Variants in NAT1 observed in about 807,000 individuals in gnomAD.
NAT1 encodes the protein N-acetyltransferase 1.
For missense variants in NAT1, 400 were observed against 339.2 expected (o/e 1.18, Z -1.41); for synonymous variants, 144 against 122.6 (o/e 1.17, Z -1.16).
chr8:18,180,102 G>GGAA lies in NAT1; in HGVS notation n.92+9365_92+9367dup, dbSNP rs200550318. 9.8e-3 allele frequency among the ~76,000 whole-genome samples: 1,484 copies of GGAA among 152,176 alleles called. 17 individuals carry two copies. Among genetic ancestry groups the GGAA allele is most frequent in the African/African-American group, 0.034 (1,399 of 41,516 alleles). Reference sequence around the variant, plus strand: ...AAAGACAAGGTGTGTAGATAAGCAAGGAAGGAGAATTGGGGGAGCTAGAGG... The same window carrying GGAA: ...AAAGACAAGGTGTGTAGATAAGCAAGGAAGAAGGAGAATTGGGGGAGCTAGAGG... On this transcript the variant is annotated intron_variant and non_coding_transcript_variant, in intron 2 of 4. Transcript: ENST00000517441.
chr8:18,189,482 C>T (rs756273223), intron 2 of NAT1, among the ~76,000 whole-genome samples: 7 of 152,062 alleles, frequency 4.6e-5, no homozygotes, highest in African/African-American at 1.7e-4. Flanking sequence ...ATAATAAAAA[C>T]GGTCACACAA....
At chr8:18,200,358 A>G (rs1235609317) in intron 2 of NAT1, among the ~76,000 whole-genome samples, 2 of 152,256 alleles carry the variant, frequency 1.3e-5, no homozygotes, top group East Asian at 3.8e-4. Flanking sequence ...GCAGCCATAA[A>G]AAAGAACAAG....
At position 18,211,004 on chromosome 8, in the gene NAT1, C is replaced by T. The variant is rs28359493; in HGVS notation, c.-86+824C>T. On this transcript the variant is annotated intron_variant, in intron 1 of 2. Transcript: ENST00000307719. ...ATTTTTAGTAGCGATGGGGTTTCAC[C>T]GTCTTGGCTAGGCTCATCTCGAACT... 3.7e-3 allele frequency among the ~76,000 whole-genome samples: 563 copies of T among 152,178 alleles called. 4 individuals carry two copies. The highest frequency in any genetic ancestry group is 0.011 in the African/African-American group (470 of 41,528).
intron 1 of NAT1, among the ~76,000 whole-genome samples, chr8:18,217,588 AT>A (rs1804812490): frequency 1.3e-5 from 2 of 152,208 alleles, no homozygotes; most frequent in Non-Finnish European, 2.9e-5. Flanking sequence ...GCCCACATAT[AT>A]TGCCATTCTT....
At chr8:18,205,566 G>A (rs946081036), upstream of NAT1, among the ~76,000 whole-genome samples, 2 of 152,144 alleles carry the variant, frequency 1.3e-5, no homozygotes, top group East Asian at 3.9e-4. Context: ...TGCGGAGGGA[G>A]GAGTGGCAGA....
chr8:18,173,899 C>A (rs1802191538), intron 2 of NAT1, among the ~76,000 whole-genome samples: 1 of 151,752 alleles, frequency 6.6e-6, no homozygotes, highest in African/African-American at 2.4e-5. Context: ...GTTATAGTTT[C>A]ATTGCAATTA....
intron 2 of NAT1, among the ~76,000 whole-genome samples, chr8:18,203,664 C>T (rs1803574717): frequency 6.6e-6 from 1 of 152,192 alleles, no homozygotes; most frequent in Admixed American, 6.5e-5. Context: ...CTCTGTCCTC[C>T]ATTGTGAGCT....
At chr8:18,203,195 C>T (rs987245270) in intron 2 of NAT1, among the ~76,000 whole-genome samples, 2 of 152,056 alleles carry the variant, frequency 1.3e-5, no homozygotes, top group Admixed American at 6.6e-5. Flanking sequence ...CATTTCACTA[C>T]CCAAATATAT....
chr8:18,205,500 C>T (rs951050687), upstream of NAT1, among the ~76,000 whole-genome samples: 7 of 152,024 alleles, frequency 4.6e-5, no homozygotes, highest in South Asian at 2.1e-4. Context: ...GGGGCACTGG[C>T]GGGGGCAGGG....
Position 18,203,855 on chromosome 8 carries a change from G to A in NAT1, n.93-5926G>A, listed in dbSNP as rs1803582108. Among the ~76,000 whole-genome samples the A allele has an allele frequency of 2.6e-5, 4 of 152,294 alleles. No individual in the cohort carries two copies. In the South Asian group the frequency reaches 8.3e-4, roughly 32 times the overall value. ...GTTTTCTAACAAAGAACAGCCTGCA[G>A]GCTGGGAGCTTGCACAGGTGAATGC... On this transcript the variant is annotated intron_variant and non_coding_transcript_variant, in intron 2 of 4. Coordinates refer to the NAT1 transcript ENST00000517441.
chr8:18,174,770 T>C (rs564919254), intron 2 of NAT1, among the ~76,000 whole-genome samples: 1 of 152,202 alleles, frequency 6.6e-6, no homozygotes, highest in South Asian at 2.1e-4. Context: ...TCTATAACTC[T>C]GGGCAAACCT....
upstream of NAT1, chr8:18,209,957 T>C (rs1415135329): frequency 6.6e-6 from 1 of 151,978 alleles, no homozygotes; most frequent in Non-Finnish European, 1.5e-5. Flanking sequence ...TTTTTTATGG[T>C]AAGATATGAA....
chr8:18,222,696 T>C lies in NAT1; in HGVS notation c.649T>C (p.Phe217Leu), dbSNP rs1171885310. 2 of 1,614,058 alleles carry C rather than the reference T, an allele frequency of 1.2e-6. No homozygotes were observed. Among genetic ancestry groups the C allele is most frequent in the Non-Finnish European group, 8.5e-7 (1 of 1,179,990 alleles). Residue 217 changes from phenylalanine (F) to leucine (L), a missense_variant, in exon 3 of 3, where the codon TTT (phenylalanine) becomes CTT (leucine). Transcript: ENST00000307719. ...TYLQTSPSSV[F>L]TSKSFCSLQT... ...CCTGCAGACATCTCCATCATCTGTG[T>C]TTACTAGTAAATCATTTTGTTCCTT...
rs201435802 is a variant in NAT1, at chr8:18,222,762, C to T, written c.715C>T (p.Leu239Phe). The change falls in exon 3 of 3, where the codon CTC (leucine) becomes TTC (phenylalanine). Residue 239 changes from leucine to phenylalanine, a missense_variant. Coordinates refer to ENST00000307719, the MANE Select transcript of NAT1 (RefSeq NM_000662.8). The stretch of plus-strand genomic sequence containing the variant: ...GGTTCACTGTTTGGTGGGCTTCACC[C>T]TCACCCATAGGAGATTCAATTATAA... ...DGVHCLVGFT[L>F]THRRFNYKDN... 6.2e-7 allele frequency: 1 copy of T among 1,613,768 alleles called. No individual in the cohort carries two copies. Among genetic ancestry groups the T allele is most frequent in the Non-Finnish European group, 8.5e-7 (1 of 1,179,914 alleles).
intron 2 of NAT1, among the ~76,000 whole-genome samples, chr8:18,185,844 T>A (rs985039177): frequency 6.6e-6 from 1 of 152,196 alleles, no homozygotes; most frequent in African/African-American, 2.4e-5. Context: ...AAATTTGATA[T>A]GTTACATTTT....
chr8:18,195,043 G>C (rs1336452619), intron 2 of NAT1, among the ~76,000 whole-genome samples: 1 of 152,088 alleles, frequency 6.6e-6, no homozygotes, highest in African/African-American at 2.4e-5. Context: ...TCCAGAAAAT[G>C]GTCAAATCTC....
intron 2 of NAT1, among the ~76,000 whole-genome samples, chr8:18,193,745 G>A (rs538915728): frequency 3.8e-4 from 54 of 143,960 alleles, no homozygotes; most frequent in African/African-American, 1.4e-3. Context: ...GGGTTCAAGC[G>A]ATTCTCCTGC....
At chr8:18,170,689 T>G (rs563112463) in exon 2 of NAT1, 1 of 152,256 alleles carries the variant, frequency 6.6e-6, no homozygotes, top group East Asian at 1.9e-4. Flanking sequence ...ATTGACCCAG[T>G]CGACAGGATC....
intron 2 of NAT1, among the ~76,000 whole-genome samples, chr8:18,180,593 C>T (rs1249663279): frequency 6.6e-6 from 1 of 152,010 alleles, no homozygotes; most frequent in Non-Finnish European, 1.5e-5. Context: ...TTCTATTGCA[C>T]AATATGGTGA....
Sources: gnomAD v4.1 joint callset for allele counts (sites outside exome capture counted in the v4.1 genomes callset) on GRCh38, gnomAD v4.1.1 for gene constraint, MANE v1.5 for transcripts, NCBI Gene and HGNC (gene_info 2026-07-23, HGNC 2026-07-21) for gene names.